Variants in HUWE1 observed in about 807,000 individuals in gnomAD.
HUWE1 encodes the protein E3 ubiquitin-protein ligase HUWE1.
Under a neutral mutation model 299.4 loss-of-function variants are expected in HUWE1, and 18 were observed. The ratio of observed to expected loss-of-function variants is 0.06; its 90% CI spans 0.04 to 0.09. HUWE1 has a LOEUF of 0.09. Among genes scored for constraint, HUWE1 ranks in the 10% least tolerant of loss-of-function variants. The pLI is 1.00. For synonymous variants in HUWE1, 1,317 were observed against 1,286.1 expected (o/e 1.02, Z -0.51); for missense variants, 1,832 against 3,462.3 (o/e 0.53, Z 11.82).
At chrX:53,648,895 T>C (rs1476470299) in intron 4 of HUWE1, among the ~76,000 whole-genome samples, 1 of 112,160 alleles carries the variant, frequency 8.9e-6, no homozygotes, top group Non-Finnish European at 1.9e-5. Flanking sequence ...TCCATACATT[T>C]CTGCTCTCTT....
At chrX:53,604,406 CATA>C (rs1255916316) in intron 26 of HUWE1, among the ~76,000 whole-genome samples, 180 bp downstream of exon 26, 1 of 111,727 alleles carries the variant, frequency 9.0e-6, no homozygotes, top group African/African-American at 3.3e-5. Flanking sequence ...CACTTCATCA[CATA>C]ATAAGTTATA....
At chrX:53,678,983 T>C (rs183507835) in intron 3 of HUWE1, among the ~76,000 whole-genome samples, 18 of 111,859 alleles carry the variant, frequency 1.6e-4, no homozygotes, top group South Asian at 7.4e-4. Context: ...TATTTTAGGA[T>C]AGTGCCTATG....
intron 49 of HUWE1, among the ~76,000 whole-genome samples, chrX:53,567,565 G>A (rs1344474184): frequency 1.8e-5 from 2 of 111,876 alleles, no homozygotes; most frequent in Non-Finnish European, 3.8e-5. Flanking sequence ...CTTTATAATA[G>A]AAATTATATT....
chrX:53,558,495 A>G (rs1556937275), intron 59 of HUWE1, among the ~76,000 whole-genome samples, 160 bp downstream of exon 59: 1 of 112,098 alleles, frequency 8.9e-6, no homozygotes, highest in Non-Finnish European at 1.9e-5. Flanking sequence ...TCTTTCCCCT[A>G]AAAACCAGGT....
intron 3 of HUWE1, among the ~76,000 whole-genome samples, chrX:53,663,114 T>A (rs1279133538): frequency 1.8e-5 from 2 of 112,321 alleles, no homozygotes; most frequent in Non-Finnish European, 3.8e-5. Context: ...TAGAGACAAT[T>A]TGACAAGCAA....
At chrX:53,680,904 A>G (rs1184944328) in intron 2 of HUWE1, among the ~76,000 whole-genome samples, 1 of 64,943 alleles carries the variant, frequency 1.5e-5, no homozygotes, top group Non-Finnish European at 2.8e-5. Flanking sequence ...CCTACAAAGC[A>G]CTTCAAATTA....
chrX:53,647,250 G>T, intron 6 of HUWE1, 118 bp downstream of exon 6: 1 of 554,679 alleles, frequency 1.8e-6, no homozygotes, highest in South Asian at 2.5e-5. Flanking sequence ...CTTTGACAAT[G>T]AAAAACCCAG....
intron 6 of HUWE1, among the ~76,000 whole-genome samples, chrX:53,646,466 G>C (rs2068058446): frequency 9.0e-6 from 1 of 111,543 alleles, no homozygotes; most frequent in East Asian, 2.8e-4. Context: ...CCTTACTTTG[G>C]CTTTTAAATA....
intron 7 of HUWE1, among the ~76,000 whole-genome samples, chrX:53,640,258 G>A (rs1281475927): frequency 8.9e-6 from 1 of 111,786 alleles, no homozygotes; most frequent in Non-Finnish European, 1.9e-5. Flanking sequence ...TACTAGGGAG[G>A]CTGAGGTGGG....
chrX:53,669,732 T>C (rs922332447), intron 3 of HUWE1, among the ~76,000 whole-genome samples: 10 of 112,184 alleles, frequency 8.9e-5, no homozygotes, highest in African/African-American at 1.3e-4. Context: ...AAAGATCAAA[T>C]AGACTTTGCC....
chrX:53,590,120 G>A (rs2064080958), intron 35 of HUWE1, among the ~76,000 whole-genome samples: 1 of 112,031 alleles, frequency 8.9e-6, no homozygotes, highest in African/African-American at 3.2e-5. Flanking sequence ...TAAAGTAACT[G>A]TCACCTAGAA....
intron 7 of HUWE1, among the ~76,000 whole-genome samples, chrX:53,638,668 T>C (rs781997195): frequency 7.5e-4 from 84 of 112,192 alleles, no homozygotes; most frequent in Non-Finnish European, 1.4e-3. Flanking sequence ...TTTATAGCAA[T>C]GCAAATTCTG....
At chrX:53,669,047 C>T (rs1362861549) in intron 3 of HUWE1, among the ~76,000 whole-genome samples, 2 of 112,067 alleles carry the variant, frequency 1.8e-5, no homozygotes, top group African/African-American at 6.5e-5. Context: ...CTGTTTTGAG[C>T]TGGTTCAAAT....
chrX:53,670,407 T>C (rs1254680805), intron 3 of HUWE1, among the ~76,000 whole-genome samples: 1 of 111,398 alleles, frequency 9.0e-6, no homozygotes, highest in African/African-American at 3.3e-5. Context: ...TATCCAGCCA[T>C]GTTACCATGG....
intron 19 of HUWE1, 42 bp from the exon 20 acceptor site, chrX:53,617,488 C>T: frequency 2.4e-6 from 2 of 829,025 alleles, no homozygotes; most frequent in South Asian, 4.3e-5. Context: ...AGAGATTCCT[C>T]ACAGAAACTG....
intron 42 of HUWE1, among the ~76,000 whole-genome samples, chrX:53,582,163 A>T (rs2063652430): frequency 8.9e-6 from 1 of 112,724 alleles, no homozygotes; most frequent in South Asian, 3.6e-4. Context: ...CCTAAAGTTA[A>T]AACTTTAAAA....
intron 61 of HUWE1, among the ~76,000 whole-genome samples, chrX:53,553,558 C>G (rs1022618964): frequency 9.3e-6 from 1 of 107,601 alleles, no homozygotes; most frequent in African/African-American, 3.4e-5. Flanking sequence ...GCCTGTAATC[C>G]AAGCACTTTG....
chrX:53,608,307 A>T (rs1283850962), intron 24 of HUWE1, among the ~76,000 whole-genome samples: 1 of 111,896 alleles, frequency 8.9e-6, no homozygotes, highest in African/African-American at 3.2e-5. Context: ...CAAACTCTTC[A>T]CTTTTTTGGT....
intron 3 of HUWE1, among the ~76,000 whole-genome samples, chrX:53,677,090 A>ACC (rs1367804202): frequency 5.9e-4 from 20 of 33,849 alleles, no homozygotes; most frequent in African/African-American, 2.0e-3. Flanking sequence ...CCCCCACCCC[A>ACC]CCCCCCCGCA....
Sources: gnomAD v4.1 joint callset for allele counts (sites outside exome capture counted in the v4.1 genomes callset) on GRCh38, gnomAD v4.1.1 for gene constraint, MANE v1.5 for transcripts, NCBI Gene and HGNC (gene_info 2026-07-23, HGNC 2026-07-21) for gene names.